Variants in STT3B observed in about 807,000 individuals in gnomAD.
STT3B encodes dolichyl-diphosphooligosaccharide--protein glycosyltransferase subunit STT3B.
STT3B carries 29 observed loss-of-function variants against 96.8 expected under a neutral mutation model. The ratio of observed to expected loss-of-function variants is 0.30; its 90% CI spans 0.22 to 0.41. The LOEUF is 0.41. Among genes scored for constraint, STT3B ranks in the 10% least tolerant of loss-of-function variants. The probability of loss-of-function intolerance (pLI) is 1.00; values close to 1 mark genes in which losing one functional copy is unlikely to be tolerated. For synonymous variants in STT3B, 367 were observed against 360.0 expected, an observed-to-expected ratio of 1.02 and a Z score of -0.22; for missense variants, 640 against 1,022.3, an observed-to-expected ratio of 0.63 and a Z score of 5.10.
At chr3:31,599,819 G>C (rs1201923060) in intron 4 of STT3B, among the ~76,000 whole-genome samples, 1 of 152,114 alleles carries the variant, frequency 6.6e-6, no homozygotes, top group African/African-American at 2.4e-5. Context: ...ATGGGATCTT[G>C]CTTTGTAATC....
intron 1 of STT3B, among the ~76,000 whole-genome samples, chr3:31,566,455 C>T (rs1279965559): frequency 6.6e-6 from 1 of 152,110 alleles, no homozygotes; most frequent in Non-Finnish European, 1.5e-5. Context: ...AAAATAGGAT[C>T]ATAGTGTCTG....
At position 31,637,311 on chromosome 3, in the gene STT3B, A is replaced by G. The variant is rs1336356534; in HGVS notation, c.*1247A>G. 1 of 152,180 alleles carries G rather than the reference A, an allele frequency of 6.6e-6. No homozygotes were observed. The highest frequency in any genetic ancestry group is 2.4e-5 in the African/African-American group (1 of 41,458). The allele number at this position is 152,180 out of a possible 1,614,324, so 9.4% of individuals were successfully genotyped here. On this transcript the variant is annotated 3_prime_UTR_variant, in exon 16 of 16. Coordinates refer to ENST00000295770, the MANE Select transcript of STT3B (RefSeq NM_178862.3). ...ATAACACACCACTGCTTTTGGTGGAAAAGTGCAGAATAGTATGTACCTTTT... is the reference window on the plus strand; with the variant it reads ...ATAACACACCACTGCTTTTGGTGGAGAAGTGCAGAATAGTATGTACCTTTT...
intron 1 of STT3B, among the ~76,000 whole-genome samples, chr3:31,562,872 C>T (rs1391619126): frequency 6.6e-6 from 1 of 152,140 alleles, no homozygotes; most frequent in Admixed American, 6.5e-5. Context: ...TCGAGTGATT[C>T]GTGGGATCCA....
intron 5 of STT3B, among the ~76,000 whole-genome samples, chr3:31,601,887 CAA>C (rs1004359112): frequency 3.3e-5 from 5 of 152,106 alleles, no homozygotes; most frequent in Non-Finnish European, 5.9e-5. Flanking sequence ...GGTGAGGAAA[CAA>C]GAGGAGACAT....
intron 5 of STT3B, among the ~76,000 whole-genome samples, chr3:31,612,405 T>C (rs193254046): frequency 6.6e-4 from 100 of 152,320 alleles, no homozygotes; most frequent in African/African-American, 2.3e-3. Flanking sequence ...TTTGTACCAT[T>C]GGTGCTGGTA....
intron 7 of STT3B, 139 bp from the exon 8 acceptor site, chr3:31,617,801 G>T: frequency 1.5e-6 from 1 of 659,820 alleles, no homozygotes; most frequent in Non-Finnish European, 2.7e-6. Context: ...TCTGAAATAG[G>T]TTGACACCTA....
At chr3:31,562,579 A>T (rs917197118) in intron 1 of STT3B, among the ~76,000 whole-genome samples, 1 of 152,142 alleles carries the variant, frequency 6.6e-6, no homozygotes, top group South Asian at 2.1e-4. Context: ...CAGCAACTGC[A>T]TTGCAACCCT....
intron 6 of STT3B, 42 bp downstream of exon 6, chr3:31,615,245 G>A (rs1220575687): frequency 3.5e-6 from 5 of 1,440,226 alleles, no homozygotes; most frequent in Non-Finnish European, 2.9e-6. Flanking sequence ...AGAATATGTG[G>A]ACGTGTGATT....
In STT3B at chr3:31,579,969, A is replaced by G; in HGVS notation, c.584A>G (p.Gln195Arg). ...CTGCTTACAAGAGAACTTTGGAACC[A>G]AGGAGCAGGACTTTTAGCTGCTTGT... ...TFLLTRELWN[Q>R]GAGLLAACFI... The change falls in exon 3 of 16, where the codon CAA (glutamine) becomes CGA (arginine). Residue 195 changes from glutamine to arginine, a missense_variant. By Grantham distance (43) the Gln-to-Arg change is conservative. This residue lies in a region of STT3B where 267 missense variants were observed against 388.3 expected (regional missense o/e 0.69). Transcript: ENST00000295770. 1 of 1,613,912 alleles carries G rather than the reference A, an allele frequency of 6.2e-7. No individual in the cohort carries two copies.
chr3:31,571,524 T>A (rs1698136268), intron 1 of STT3B, among the ~76,000 whole-genome samples: 1 of 152,170 alleles, frequency 6.6e-6, no homozygotes, highest in Non-Finnish European at 1.5e-5. Flanking sequence ...TTTTATATCA[T>A]ATGACCCTGC....
chr3:31,539,753 T>C (rs1358657904), intron 1 of STT3B, among the ~76,000 whole-genome samples: 2 of 152,162 alleles, frequency 1.3e-5, no homozygotes, highest in African/African-American at 4.8e-5. Context: ...TCGGAAACTC[T>C]GAAGAGAGTA....
At chr3:31,556,147 C>A (rs1299726461) in intron 1 of STT3B, among the ~76,000 whole-genome samples, 1 of 151,598 alleles carries the variant, frequency 6.6e-6, no homozygotes, top group African/African-American at 2.4e-5. Flanking sequence ...TGAGTGAGAA[C>A]TGTGAAATTT....
At chr3:31,577,863 A>T (rs1216160670) in intron 2 of STT3B, among the ~76,000 whole-genome samples, 1 of 152,130 alleles carries the variant, frequency 6.6e-6, no homozygotes, top group Non-Finnish European at 1.5e-5. Flanking sequence ...ATTACATTTG[A>T]TAACTATAGT....
At chr3:31,565,865 C>T (rs1183913709) in intron 1 of STT3B, among the ~76,000 whole-genome samples, 3 of 152,108 alleles carry the variant, frequency 2.0e-5, no homozygotes, top group East Asian at 3.9e-4. Flanking sequence ...CCTTTTATTT[C>T]CAAAGTAACT....
chr3:31,570,570 G>A (rs1207468277), intron 1 of STT3B, among the ~76,000 whole-genome samples: 1 of 152,270 alleles, frequency 6.6e-6, no homozygotes, highest in South Asian at 2.1e-4. Flanking sequence ...CAAAAAGCAG[G>A]TGTGATAAAT....
chr3:31,626,650 A>AAT lies in STT3B; in HGVS notation c.2073+526_2073+527dup, dbSNP rs1045081715. Among the ~76,000 whole-genome samples, 6 of 152,168 alleles carry AAT rather than the reference A, an allele frequency of 3.9e-5. 1 individual carries two copies. The highest frequency in any genetic ancestry group is 3.9e-4 in the Admixed American group (6 of 15,276). On this transcript the variant is annotated intron_variant, in intron 13 of 15. Coordinates refer to ENST00000295770, the MANE Select transcript of STT3B (RefSeq NM_178862.3). ...GCAAGTTATTTTAGCAAGTCAACATAATATGCTTTGAGCACTAGGTCTAGT... is the reference window on the plus strand; with the variant it reads ...GCAAGTTATTTTAGCAAGTCAACATAATATATGCTTTGAGCACTAGGTCTAGT...
chr3:31,622,545 C>G (rs1048071222), intron 10 of STT3B, among the ~76,000 whole-genome samples: 1 of 152,118 alleles, frequency 6.6e-6, no homozygotes, highest in African/African-American at 2.4e-5. Flanking sequence ...AATTTGTTAT[C>G]TAAATACTTA....
At chr3:31,573,873 G>A (rs1220499787) in intron 1 of STT3B, among the ~76,000 whole-genome samples, 1 of 152,070 alleles carries the variant, frequency 6.6e-6, no homozygotes, top group Non-Finnish European at 1.5e-5. Flanking sequence ...TTAGGTAGAG[G>A]AGGCTACCTA....
intron 1 of STT3B, among the ~76,000 whole-genome samples, chr3:31,540,604 T>G (rs867229512): frequency 5.9e-5 from 9 of 152,292 alleles, no homozygotes; most frequent in Middle Eastern, 6.8e-3. Flanking sequence ...TGTTTTAAAC[T>G]TTAAATATTG....
Sources: allele counts gnomAD v4.1 joint callset (sites outside exome capture counted in the v4.1 genomes callset), GRCh38; gene constraint gnomAD v4.1.1; regional missense constraint gnomAD v4.1.1; transcripts MANE v1.5; gene names NCBI Gene and HGNC (gene_info 2026-07-23, HGNC 2026-07-21).